The following AUTS2 variants were observed in gnomAD, a reference collection of about 807,000 sequenced individuals.
AUTS2 encodes the protein activator of transcription and developmental regulator AUTS2, also known as autism susceptibility gene 2 protein.
Under a neutral mutation model 112.4 loss-of-function variants are expected in AUTS2, and 17 were observed. That is an observed-to-expected ratio of 0.15 (90% CI 0.10 to 0.23). The LOEUF is 0.23. Ranked by LOEUF, AUTS2 falls within the 10% of genes least tolerant of loss-of-function variation. The probability of loss-of-function intolerance (pLI) is 1.00; values close to 1 mark genes in which losing one functional copy is unlikely to be tolerated. For synonymous variants in AUTS2, 751 were observed against 702.7 expected (o/e 1.07, Z -1.09); for missense variants, 1,510 against 1,701.6 (o/e 0.89, Z 1.98).
chr7:69,787,670 T>A (rs1789437003), intron 1 of AUTS2, among the ~76,000 whole-genome samples: 3 of 152,184 alleles, frequency 2.0e-5, no homozygotes, highest in Non-Finnish European at 4.4e-5. Flanking sequence ...CTGCCTCAGC[T>A]GTAATCCCAA....
chr7:70,004,276 AATGTGT>A (rs1228753143), intron 2 of AUTS2, among the ~76,000 whole-genome samples: 2,417 of 130,774 alleles, frequency 0.018, 76 homozygotes, highest in Non-Finnish European at 0.029. Flanking sequence ...TATATATATG[AATGTGT>A]TATATATGAA....
chr7:70,268,571 A>G (rs1168641282), intron 4 of AUTS2, among the ~76,000 whole-genome samples: 1 of 152,176 alleles, frequency 6.6e-6, no homozygotes, highest in Non-Finnish European at 1.5e-5. Flanking sequence ...AAGGGACTTT[A>G]AGTCTCTTAA....
chr7:69,676,839 A>G (rs1796590257), intron 1 of AUTS2, among the ~76,000 whole-genome samples: 1 of 147,106 alleles, frequency 6.8e-6, no homozygotes, highest in Non-Finnish European at 1.5e-5. Context: ...TTTTTAAAGT[A>G]TTCTGAAACT....
intron 4 of AUTS2, among the ~76,000 whole-genome samples, chr7:70,236,651 A>G (rs1483139435): frequency 6.6e-6 from 1 of 152,104 alleles, no homozygotes; most frequent in African/African-American, 2.4e-5. Context: ...TTCAGTGAAA[A>G]TTGTTTCTTT....
intron 4 of AUTS2, among the ~76,000 whole-genome samples, chr7:70,406,476 A>G (rs1794539038): frequency 1.3e-5 from 2 of 152,204 alleles, no homozygotes; most frequent in South Asian, 4.1e-4. Context: ...GCCCCGCGGC[A>G]CCATCTGTTT....
At chr7:69,665,318 A>C (rs1355115904) in intron 1 of AUTS2, among the ~76,000 whole-genome samples, 1 of 152,184 alleles carries the variant, frequency 6.6e-6, no homozygotes, top group Non-Finnish European at 1.5e-5. Context: ...ATTTTAAGAG[A>C]TAAGATTAAT....
intron 1 of AUTS2, among the ~76,000 whole-genome samples, chr7:69,731,863 C>T (rs372755581): frequency 7.9e-5 from 12 of 152,310 alleles, no homozygotes; most frequent in East Asian, 7.7e-4. Context: ...TGTGCGTAAT[C>T]GTAGGCAAGT....
chr7:69,895,990 A>G (rs962273266), intron 1 of AUTS2, among the ~76,000 whole-genome samples: 16 of 152,228 alleles, frequency 1.1e-4, no homozygotes, highest in Non-Finnish European at 1.9e-4. Flanking sequence ...GGGAGTTTTT[A>G]TATTACACTT....
chr7:70,359,113 A>G (rs766701809), intron 4 of AUTS2, among the ~76,000 whole-genome samples: 2 of 152,270 alleles, frequency 1.3e-5, no homozygotes, highest in Non-Finnish European at 2.9e-5. Context: ...TGCAAGGGAA[A>G]ATTGCAGCTG....
chr7:70,660,297 C>T lies in AUTS2; in HGVS notation c.691-38272C>T, dbSNP rs149595854. ...CCACTTCACCCTGGGTCAATGAGAT[C>T]TCAGTGTGATGTCTTTCTCTAAACA... On this transcript the variant is annotated intron_variant, in intron 5 of 18. Coordinates refer to ENST00000342771, the MANE Select transcript of AUTS2 (RefSeq NM_015570.4). Among the ~76,000 whole-genome samples the T allele has an allele frequency of 1.5e-4, 23 of 152,292 alleles. No homozygotes were observed. In the East Asian group the frequency reaches 4.0e-3, roughly 27 times the overall value.
chr7:70,418,105 G>C (rs970061578), intron 4 of AUTS2, among the ~76,000 whole-genome samples: 1 of 149,568 alleles, frequency 6.7e-6, no homozygotes, highest in Non-Finnish European at 1.5e-5. Context: ...GTGTGTGTGT[G>C]TGTGTGTCTG....
At chr7:69,879,185 A>C (rs1793931337) in intron 1 of AUTS2, among the ~76,000 whole-genome samples, 1 of 151,716 alleles carries the variant, frequency 6.6e-6, no homozygotes, top group Admixed American at 6.6e-5. Flanking sequence ...TCTGTCGCCC[A>C]GGCTGGAGTG....
At chr7:70,105,443 G>T (rs1435615745) in intron 2 of AUTS2, among the ~76,000 whole-genome samples, 2 of 152,018 alleles carry the variant, frequency 1.3e-5, no homozygotes, top group Non-Finnish European at 2.9e-5. Flanking sequence ...ATTTTTTTTA[G>T]TGATTGAGTC....
chr7:70,485,854 G>A (rs891708599), intron 5 of AUTS2, among the ~76,000 whole-genome samples: 1 of 152,088 alleles, frequency 6.6e-6, no homozygotes. Flanking sequence ...GCAGGGTGCA[G>A]CTGTGGCCAG....
At chr7:70,520,753 G>T (rs1799609765) in intron 5 of AUTS2, among the ~76,000 whole-genome samples, 1 of 152,174 alleles carries the variant, frequency 6.6e-6, no homozygotes, top group Non-Finnish European at 1.5e-5. Context: ...CAAATGAGCG[G>T]CTGAGTAAGT....
At chr7:70,740,485 G>T (rs758283725) in intron 6 of AUTS2, among the ~76,000 whole-genome samples, 2 of 151,978 alleles carry the variant, frequency 1.3e-5, no homozygotes, top group African/African-American at 2.4e-5. Context: ...CTTTCCTCCT[G>T]AGTTCTGCTA....
chr7:70,787,903 A>G (rs1008332784), intron 18 of AUTS2, among the ~76,000 whole-genome samples: 1 of 152,108 alleles, frequency 6.6e-6, no homozygotes, highest in Non-Finnish European at 1.5e-5. Flanking sequence ...ATTTTGTTCA[A>G]ACTCAAAGCC....
rs545388432 is a variant in AUTS2 at position 70,133,856 on chromosome 7, CCT to C, written c.625-679_625-678del. On this transcript the variant is annotated intron_variant, in intron 3 of 18. Transcript: ENST00000342771. The stretch of plus-strand genomic sequence containing the variant: ...TTTCAGAATTAACATTTTTAAATTC[CCT>C]GTGTGTCAGAACTATGACAGCCTAA... 1.7e-3 allele frequency among the ~76,000 whole-genome samples: 263 copies of C among 152,106 alleles called. 1 individual carries two copies. The highest frequency in any genetic ancestry group is 3.4e-3 in the Non-Finnish European group (230 of 68,030).
chr7:70,765,332 C>T (rs370026271), intron 8 of AUTS2, among the ~76,000 whole-genome samples: 5 of 152,104 alleles, frequency 3.3e-5, no homozygotes, highest in African/African-American at 9.7e-5. Flanking sequence ...CCCCTGAGGG[C>T]GATGGAAGCG....
Sources: allele counts gnomAD v4.1 joint callset (sites outside exome capture counted in the v4.1 genomes callset), GRCh38; gene constraint gnomAD v4.1.1; transcripts MANE v1.5; gene names NCBI Gene and HGNC (gene_info 2026-07-23, HGNC 2026-07-21).